OPCML: variants seen among roughly 807,000 people sequenced by gnomAD.
The protein encoded by OPCML is opioid binding protein/cell adhesion molecule like.
In OPCML, 13 loss-of-function variants were observed where a neutral mutation model predicts 37.8. That is an observed-to-expected ratio of 0.34 (90% CI 0.22 to 0.55). The LOEUF (loss-of-function observed/expected upper bound fraction) is 0.55. Ranked by LOEUF, OPCML falls within the 20% of genes least tolerant of loss-of-function variation. The pLI, the probability that OPCML is intolerant of heterozygous loss-of-function variation, is 0.91. For missense variants in OPCML, 341 were observed against 435.6 expected (o/e 0.78, Z 1.93); for synonymous variants, 176 against 168.8 (o/e 1.04, Z -0.33).
intron 4 of OPCML, among the ~76,000 whole-genome samples, chr11:132,525,060 C>T (rs1312170299): frequency 6.6e-6 from 1 of 152,134 alleles, no homozygotes; most frequent in Non-Finnish European, 1.5e-5. Context: ...CTACCTGAAA[C>T]CTTCACTCTT....
intron 1 of OPCML, among the ~76,000 whole-genome samples, chr11:133,446,206 C>T (rs1171648296): frequency 6.6e-6 from 1 of 152,176 alleles, no homozygotes; most frequent in African/African-American, 2.4e-5. Flanking sequence ...AAGAACAGAA[C>T]TCCCAATCTC....
At chr11:133,269,868 A>G (rs1402069877) in intron 1 of OPCML, among the ~76,000 whole-genome samples, 1 of 152,226 alleles carries the variant, frequency 6.6e-6, no homozygotes, top group African/African-American at 2.4e-5. Flanking sequence ...GCACCCCTGT[A>G]GTTAAAGATC....
chr11:132,427,295 C>T (rs2095980808), intron 7 of OPCML, among the ~76,000 whole-genome samples: 1 of 152,052 alleles, frequency 6.6e-6, no homozygotes, highest in Non-Finnish European at 1.5e-5. Context: ...TGTGACCTTC[C>T]TAATGAGGAA....
intron 2 of OPCML, among the ~76,000 whole-genome samples, chr11:132,700,095 G>A (rs894382426): frequency 6.6e-6 from 1 of 151,904 alleles, no homozygotes; most frequent in Non-Finnish European, 1.5e-5. Flanking sequence ...GTTCATTGGT[G>A]TATAATTGTT....
intron 2 of OPCML, among the ~76,000 whole-genome samples, chr11:132,834,243 T>C (rs937557537): frequency 6.6e-6 from 1 of 152,210 alleles, no homozygotes; most frequent in African/African-American, 2.4e-5. Flanking sequence ...GATTCAACTT[T>C]AACCTTTTTG....
chr11:132,740,902 C>T (rs1352768931), intron 2 of OPCML, among the ~76,000 whole-genome samples: 2 of 152,064 alleles, frequency 1.3e-5, no homozygotes, highest in South Asian at 2.1e-4. Context: ...GATGATATAC[C>T]AGGTATTTGA....
chr11:133,223,133 C>A (rs1466530360), intron 1 of OPCML, among the ~76,000 whole-genome samples: 1 of 152,186 alleles, frequency 6.6e-6, no homozygotes, highest in Non-Finnish European at 1.5e-5. Context: ...CAGTCCTTGA[C>A]CCCAGAAGGA....
At chr11:132,973,995 A>T (rs1425559302) in intron 1 of OPCML, among the ~76,000 whole-genome samples, 1 of 152,146 alleles carries the variant, frequency 6.6e-6, no homozygotes, top group Admixed American at 6.5e-5. Flanking sequence ...CCAAGCACAC[A>T]GACCTATCTA....
At chr11:133,188,397 G>A (rs1175649624) in intron 1 of OPCML, among the ~76,000 whole-genome samples, 6 of 152,146 alleles carry the variant, frequency 3.9e-5, no homozygotes, top group Non-Finnish European at 8.8e-5. Flanking sequence ...GAGGAAGAGT[G>A]GGGAAAACGA....
chr11:132,567,878 T>A (rs1320160057), intron 3 of OPCML, among the ~76,000 whole-genome samples: 1 of 152,146 alleles, frequency 6.6e-6, no homozygotes, highest in Non-Finnish European at 1.5e-5. Flanking sequence ...ACAGAACAGT[T>A]GTTGCAAATT....
chr11:132,864,581 C>A (rs1039304220), intron 2 of OPCML, among the ~76,000 whole-genome samples: 1 of 152,210 alleles, frequency 6.6e-6, no homozygotes, highest in Non-Finnish European at 1.5e-5. Flanking sequence ...TCTAAAATTT[C>A]TCTGCCATTG....
intron 1 of OPCML, among the ~76,000 whole-genome samples, chr11:133,144,227 G>T (rs1253823949): frequency 6.6e-6 from 1 of 152,202 alleles, no homozygotes; most frequent in Non-Finnish European, 1.5e-5. Context: ...TCCCAGGGCT[G>T]GTTCCCAGGG....
intron 1 of OPCML, among the ~76,000 whole-genome samples, chr11:133,133,155 A>G (rs957874427): frequency 6.6e-6 from 1 of 152,174 alleles, no homozygotes; most frequent in East Asian, 1.9e-4. Context: ...ATGTTGCCTA[A>G]TGATAATCAG....
intron 4 of OPCML, among the ~76,000 whole-genome samples, chr11:132,513,620 T>C (rs1017363919): frequency 6.6e-6 from 1 of 152,182 alleles, no homozygotes; most frequent in African/African-American, 2.4e-5. Flanking sequence ...TCTTCTCTTA[T>C]CTCCATTGCC....
Position 133,309,118 on chromosome 11 carries a change from C to CA in OPCML, c.61+223145dup, listed in dbSNP as rs571610479. On this transcript the variant is annotated intron_variant, in intron 1 of 7. Transcript: ENST00000524381. The stretch of plus-strand genomic sequence containing the variant: ...CAGACAAGAACCACTGATGAATACT[C>CA]AAAAAAATGGGCAGAAGTTTAAGCA... 5.9e-5 allele frequency among the ~76,000 whole-genome samples: 9 copies of CA among 152,082 alleles called. No homozygotes were observed. In the East Asian group the frequency reaches 1.5e-3, roughly 26 times the overall value.
At chr11:132,441,207 G>A (rs1374841864) in intron 4 of OPCML, among the ~76,000 whole-genome samples, 2 of 98,842 alleles carry the variant, frequency 2.0e-5, no homozygotes, top group East Asian at 3.0e-4. Flanking sequence ...TCGCTCTGTC[G>A]CCCAGGCTGG....
At chr11:133,366,944 C>T (rs137992749) in intron 1 of OPCML, among the ~76,000 whole-genome samples, 1 of 152,128 alleles carries the variant, frequency 6.6e-6, no homozygotes, top group African/African-American at 2.4e-5. Flanking sequence ...CCTTCACTCA[C>T]CCCTCATGTC....
At chr11:132,965,497 C>G (rs190005414) in intron 1 of OPCML, among the ~76,000 whole-genome samples, 1 of 151,948 alleles carries the variant, frequency 6.6e-6, no homozygotes, top group Non-Finnish European at 1.5e-5. Context: ...TTTATTGGCA[C>G]ATATTTTTGT....
intron 2 of OPCML, among the ~76,000 whole-genome samples, chr11:132,857,056 C>T (rs982137242): frequency 1.3e-5 from 2 of 152,158 alleles, no homozygotes; most frequent in South Asian, 2.1e-4. Flanking sequence ...CAGACCCATA[C>T]GGATTTACCA....
Sources: gnomAD v4.1 joint callset for allele counts (sites outside exome capture counted in the v4.1 genomes callset) on GRCh38, gnomAD v4.1.1 for gene constraint, MANE v1.5 for transcripts, NCBI Gene and HGNC (gene_info 2026-07-23, HGNC 2026-07-21) for gene names.